The following GPR62 variants were observed in gnomAD, a reference collection of about 807,000 sequenced individuals.
GPR62 encodes G-protein coupled receptor GPCR8.
For missense variants in GPR62, 513 were observed against 541.5 expected, an observed-to-expected ratio of 0.95 and a Z score of 0.52; for synonymous variants, 280 against 286.9, an observed-to-expected ratio of 0.98 and a Z score of 0.24.
rs776344664 is a variant in GPR62 at position 51,957,072 on chromosome 3, AAAG to A, written c.*318_*320del. ...CCAGGCCAAGATGGGCAGGTGTCACAAAGAAGAGGGCCCTAAGGGCTCACAACC... is the reference window on the plus strand; with the variant it reads ...CCAGGCCAAGATGGGCAGGTGTCACAAAGAGGGCCCTAAGGGCTCACAACC... On this transcript the variant is annotated 3_prime_UTR_variant, in exon 1 of 1. Coordinates refer to ENST00000322241, the MANE Select transcript of GPR62 (RefSeq NM_080865.4). 1.1e-3 allele frequency: 432 copies of A among 385,784 alleles called. 1 individual carries two copies. The highest frequency in any genetic ancestry group is 6.0e-3 in the Middle Eastern group (9 of 1,496). 23.9% of individuals were successfully genotyped at this position (385,784 alleles called of 1,614,324 possible).
In GPR62 at chr3:51,955,427, A is replaced by G. The variant is rs1699820833; in HGVS notation, c.-226A>G. ...TGAGTTGCTGGAGCTGGGCTGGGGC[A>G]GGGGAGAAAGACAGCAGACTCATCC... is the stretch of plus-strand genomic sequence containing the variant. On this transcript the variant is annotated 5_prime_UTR_variant, in exon 1 of 1. Transcript: ENST00000322241. 3 of 433,476 alleles carry G rather than the reference A, an allele frequency of 6.9e-6. No individual in the cohort carries two copies. The highest frequency in any genetic ancestry group is 1.2e-5 in the Non-Finnish European group (3 of 244,016). The allele number at this position is 433,476 out of a possible 1,614,324, so 26.9% of individuals were successfully genotyped here. A position where few individuals can be genotyped will look rare whatever the true frequency, so the allele number is the denominator to read the frequency against.
In GPR62 at chr3:51,956,275, G is replaced by T; in HGVS notation, c.623G>T (p.Arg208Leu). Residue 208 changes from arginine to leucine, a missense_variant, in exon 1 of 1, where the codon CGG (arginine) becomes CTG (leucine). Coordinates refer to ENST00000322241, the MANE Select transcript of GPR62 (RefSeq NM_080865.4). ...VARRAALRPP[R>L]PARGSRLHSD... Reference sequence around the variant, plus strand: ...CGTCGCGCTGCCCTGAGGCCCCCACGGCCGGCGCGCGGGTCCCGACTCCAC... The same window carrying T: ...CGTCGCGCTGCCCTGAGGCCCCCACTGCCGGCGCGCGGGTCCCGACTCCAC... 6.4e-7 allele frequency: 1 copy of T among 1,563,412 alleles called. No individual in the cohort carries two copies.
chr3:51,956,029 GGCCGCCGCCTGTGCTCGT>G lies in GPR62; in HGVS notation c.380_397del (p.Pro127_Val132del). On this transcript the variant is annotated inframe_deletion, in exon 1 of 1. Transcript: ENST00000322241. ...GTGCACCCGCTGCGGCCAGGCTCGC[GGCCGCCGCCTGTGCTCGT>G]GCTCACCGCCGTGTGGGCCGCGGCG... The G allele has an allele frequency of 7.0e-7, 1 of 1,431,352 alleles. No individual in the cohort carries two copies. Among genetic ancestry groups the G allele is most frequent in the Non-Finnish European group, 9.1e-7 (1 of 1,096,108 alleles). The allele number at this position is 1,431,352 out of a possible 1,614,324, so 88.7% of individuals were successfully genotyped here.
chr3:51,956,551 C>T lies in GPR62; in HGVS notation c.899C>T (p.Ala300Val), dbSNP rs2106711342. 1.2e-6 allele frequency: 2 copies of T among 1,609,336 alleles called. No individual in the cohort carries two copies. The highest frequency in any genetic ancestry group is 1.7e-6 in the Non-Finnish European group (2 of 1,178,726). The change falls in exon 1 of 1, where the codon GCA (alanine) becomes GTA (valine). Residue 300 changes from alanine to valine, a missense_variant. Transcript: ENST00000322241. ...CTGCTGCAGCGCCCCGTGCGCTTGGCACTGGGCCGCCTCTCTCGCCGTGCA... is the reference window on the plus strand; with the variant it reads ...CTGCTGCAGCGCCCCGTGCGCTTGGTACTGGGCCGCCTCTCTCGCCGTGCA... ...YGLLQRPVRL[A>V]LGRLSRRALP...
Position 51,955,694 on chromosome 3 carries a change from C to G in GPR62, c.42C>G (p.Gly14=). Residue 14 remains glycine (G), a synonymous_variant, in exon 1 of 1, where the codon GGC becomes GGG. Coordinates refer to ENST00000322241, the MANE Select transcript of GPR62 (RefSeq NM_080865.4). ...GGCTGAACGCCTCAGAAGTCGCAGG[C>G]TCGTTGGGGTTGATCCTGGCAGCTG... ...STGLNASEVA[G]SLGLILAAVV... is the part of the protein sequence containing the mutation. 1.2e-6 allele frequency: 2 copies of G among 1,609,306 alleles called. No individual in the cohort carries two copies. Among genetic ancestry groups the G allele is most frequent in the Non-Finnish European group, 1.7e-6 (2 of 1,177,740 alleles).
Position 51,956,598 on chromosome 3 carries a change from T to C in GPR62, c.946T>C (p.Cys316Arg). The C allele has an allele frequency of 6.2e-7, 1 of 1,612,280 alleles. No individual in the cohort carries two copies. Among genetic ancestry groups the C allele is most frequent in the Non-Finnish European group, 8.5e-7 (1 of 1,179,868 alleles). ...RRALPGPVRA[C>R]TPQAWHPRAL... Reference sequence around the variant, plus strand: ...TGCACTGCCTGGACCTGTGCGGGCCTGCACTCCGCAAGCCTGGCACCCGCG... The same window carrying C: ...TGCACTGCCTGGACCTGTGCGGGCCCGCACTCCGCAAGCCTGGCACCCGCG... Residue 316 changes from cysteine to arginine, a missense_variant, in exon 1 of 1, where the codon TGC becomes CGC. Transcript: ENST00000322241.
rs1699823907 is a variant in GPR62, at chr3:51,955,602, G to C, written c.-51G>C. The C allele has an allele frequency of 7.1e-7, 1 of 1,414,326 alleles. No homozygotes were observed. Among genetic ancestry groups the C allele is most frequent in the African/African-American group, 1.5e-5 (1 of 67,640 alleles). 87.6% of individuals were successfully genotyped at this position (1,414,326 alleles called of 1,614,324 possible). ...GGTGATGGAAATCCTGCAGCTTTAG[G>C]CTCCATTCTGCCATCTACATCCCAG... On this transcript the variant is annotated 5_prime_UTR_variant, in exon 1 of 1. Transcript: ENST00000322241.
rs1314073582 is a variant in GPR62 at position 51,956,744 on chromosome 3, G to A, written c.1092G>A (p.Glu364=). Residue 364 remains glutamate (E), a synonymous_variant, in exon 1 of 1, where the codon GAG becomes GAA. Transcript: ENST00000322241. Reference sequence around the variant, plus strand: ...GCCCCGCATACCAGGGGCCACCTGAGAGTTCTCTCTCCTGAGCAGGAGAAA... The same window carrying A: ...GCCCCGCATACCAGGGGCCACCTGAAAGTTCTCTCTCCTGAGCAGGAGAAA... ...GRSPAYQGPP[E]SSLS is the part of the protein sequence containing the mutation. The A allele has an allele frequency of 6.2e-7, 1 of 1,608,268 alleles. No homozygotes were observed. Among genetic ancestry groups the A allele is most frequent in the East Asian group, 2.2e-5 (1 of 44,842 alleles).
chr3:51,956,567 T>A lies in GPR62; in HGVS notation c.915T>A (p.Ser305=). 1 of 1,611,218 alleles carries A rather than the reference T, an allele frequency of 6.2e-7. No homozygotes were observed. Among genetic ancestry groups the A allele is most frequent in the Non-Finnish European group, 8.5e-7 (1 of 1,179,478 alleles). ...RPVRLALGRL[S]RRALPGPVRA... is the part of the protein sequence containing the mutation. The stretch of plus-strand genomic sequence containing the variant: ...TGCGCTTGGCACTGGGCCGCCTCTC[T>A]CGCCGTGCACTGCCTGGACCTGTGC... The change falls in exon 1 of 1, where the codon TCT becomes TCA. Residue 305 remains serine (S), a synonymous_variant. Transcript: ENST00000322241.
rs13068631 is a variant in GPR62 at position 51,956,914 on chromosome 3, G to C, written c.*155G>C. The C allele has an allele frequency of 0.32, 440,757 of 1,366,670 alleles. 74,582 individuals are homozygous for C. The highest frequency in any genetic ancestry group is 0.35 in the Non-Finnish European group (357,569 of 1,025,186). The allele number at this position is 1,366,670 out of a possible 1,614,324, so 84.7% of individuals were successfully genotyped here. On this transcript the variant is annotated 3_prime_UTR_variant, in exon 1 of 1. Coordinates refer to ENST00000322241, the MANE Select transcript of GPR62 (RefSeq NM_080865.4). ...GACTTCTGAGAGCCAGGAATCCTGC[G>C]GTCTGGGCCCAACACTGCATAGCAC...
Position 51,956,427 on chromosome 3 carries a change from TGCGCGTGCCTGGCGCCCGCA to T in GPR62, c.781_800del (p.Cys261GlyfsTer76), listed in dbSNP as rs1235044188. 10 of 1,526,976 alleles carry T rather than the reference TGCGCGTGCCTGGCGCCCGCA, an allele frequency of 6.5e-6. No individual in the cohort carries two copies. Among genetic ancestry groups the T allele is most frequent in the Admixed American group, 2.1e-5 (1 of 48,388 alleles). The allele number at this position is 1,526,976 out of a possible 1,614,324, so 94.6% of individuals were successfully genotyped here. Reference sequence around the variant, plus strand: ...TGCAGCCTGCTGGCTGCCTTATGGCTGCGCGTGCCTGGCGCCCGCAGCGCGGGCCGCGGAAGCCGAAGCGG... The same window carrying T: ...TGCAGCCTGCTGGCTGCCTTATGGCTGCGCGGGCCGCGGAAGCCGAAGCGG... On this transcript the variant is annotated frameshift_variant, in exon 1 of 1. Coordinates refer to ENST00000322241, the MANE Select transcript of GPR62 (RefSeq NM_080865.4). LOFTEE classifies it low-confidence loss of function (END_TRUNC).
At position 51,957,211 on chromosome 3, in the gene GPR62, C is replaced by A. The variant is rs888973232; in HGVS notation, c.*452C>A. On this transcript the variant is annotated 3_prime_UTR_variant, in exon 1 of 1. Coordinates refer to ENST00000322241, the MANE Select transcript of GPR62 (RefSeq NM_080865.4). Reference sequence around the variant, plus strand: ...ACATCTGCACCAAGGAGAGTCTGGACAAAGCTACTGAAACTCCTCCACCTG... The same window carrying A: ...ACATCTGCACCAAGGAGAGTCTGGAAAAAGCTACTGAAACTCCTCCACCTG... 1 of 179,520 alleles carries A rather than the reference C, an allele frequency of 5.6e-6. No homozygotes were observed. Among genetic ancestry groups the A allele is most frequent in the Non-Finnish European group, 1.3e-5 (1 of 77,168 alleles). 11.1% of individuals were successfully genotyped at this position (179,520 alleles called of 1,614,324 possible). A position where few individuals can be genotyped will look rare whatever the true frequency, so the allele number is the denominator to read the frequency against.
In GPR62 at chr3:51,956,448, G is replaced by C. The variant is rs1017116884; in HGVS notation, c.796G>C (p.Ala266Pro). ...PYGCACLAPA[A>P]RAAEAEAAVT... ...TGGCTGCGCGTGCCTGGCGCCCGCA[G>C]CGCGGGCCGCGGAAGCCGAAGCGGC... The change falls in exon 1 of 1, where the codon GCG becomes CCG. Residue 266 changes from alanine (A) to proline (P), a missense_variant. Coordinates refer to ENST00000322241, the MANE Select transcript of GPR62 (RefSeq NM_080865.4). The C allele has an allele frequency of 7.8e-6, 12 of 1,531,034 alleles. No homozygotes were observed. The highest frequency in any genetic ancestry group is 1.0e-5 in the Non-Finnish European group (12 of 1,145,852). The allele number at this position is 1,531,034 out of a possible 1,614,324, so 94.8% of individuals were successfully genotyped here. A position where few individuals can be genotyped will look rare whatever the true frequency, so the allele number is the denominator to read the frequency against.
Position 51,955,600 on chromosome 3 carries a change from A to C in GPR62, c.-53A>C, listed in dbSNP as rs1039059862. 1 of 1,407,014 alleles carries C rather than the reference A, an allele frequency of 7.1e-7. No homozygotes were observed. The highest frequency in any genetic ancestry group is 9.6e-7 in the Non-Finnish European group (1 of 1,037,074). 87.2% of individuals were successfully genotyped at this position (1,407,014 alleles called of 1,614,324 possible). A position where few individuals can be genotyped will look rare whatever the true frequency, so the allele number is the denominator to read the frequency against. The stretch of plus-strand genomic sequence containing the variant: ...CAGGTGATGGAAATCCTGCAGCTTT[A>C]GGCTCCATTCTGCCATCTACATCCC... On this transcript the variant is annotated 5_prime_UTR_variant, in exon 1 of 1. An upstream open reading frame in the 5' UTR loses its in-frame stop. Transcript: ENST00000322241.
At position 51,957,095 on chromosome 3, in the gene GPR62, ACAAC is replaced by A. The variant is rs2106712747; in HGVS notation, c.*340_*343del. On this transcript the variant is annotated 3_prime_UTR_variant, in exon 1 of 1. Coordinates refer to ENST00000322241, the MANE Select transcript of GPR62 (RefSeq NM_080865.4). ...ACAAAGAAGAGGGCCCTAAGGGCTC[ACAAC>A]CAAAGTGATCCGCCAAGCAGGGCAG... The A allele has an allele frequency of 3.0e-6, 1 of 335,910 alleles. No individual in the cohort carries two copies. The highest frequency in any genetic ancestry group is 5.1e-5 in the East Asian group (1 of 19,442). 20.8% of individuals were successfully genotyped at this position (335,910 alleles called of 1,614,324 possible). A position where few individuals can be genotyped will look rare whatever the true frequency, so the allele number is the denominator to read the frequency against.
Position 51,955,921 on chromosome 3 carries a change from C to T in GPR62, c.269C>T (p.Ala90Val). The T allele has an allele frequency of 1.5e-6, 2 of 1,349,072 alleles. No homozygotes were observed. The highest frequency in any genetic ancestry group is 1.9e-6 in the Non-Finnish European group (2 of 1,051,972). 83.6% of individuals were successfully genotyped at this position (1,349,072 alleles called of 1,614,324 possible). Residue 90 changes from alanine to valine, a missense_variant, in exon 1 of 1, where the codon GCC (alanine) becomes GTC (valine). By Grantham distance (64) the Ala-to-Val change is moderately conservative. Coordinates refer to ENST00000322241, the MANE Select transcript of GPR62 (RefSeq NM_080865.4). Reference sequence around the variant, plus strand: ...CGCCTGGGCCCCGCGCCATGCCGCGCCGCTCGCTTCCTCTCCGCCGCTCTG... The same window carrying T: ...CGCCTGGGCCCCGCGCCATGCCGCGTCGCTCGCTTCCTCTCCGCCGCTCTG... Reference protein sequence around the residue: ...RVRLGPAPCRAARFLSAALLP... With the variant: ...RVRLGPAPCRVARFLSAALLP...
rs1699834267 is a variant in GPR62, at chr3:51,956,009, C to A, written c.357C>A (p.His119Gln). The change falls in exon 1 of 1, where the codon CAC (histidine) becomes CAA (glutamine). Residue 119 changes from histidine to glutamine, a missense_variant. Transcript: ENST00000322241. ...LGLARYRLIV[H>Q]PLRPGSRPPP... ...TGGCACGCTACCGCCTCATCGTGCA[C>A]CCGCTGCGGCCAGGCTCGCGGCCGC... 1.5e-5 allele frequency: 21 copies of A among 1,432,768 alleles called. No individual in the cohort carries two copies. Among genetic ancestry groups the A allele is most frequent in the Non-Finnish European group, 1.9e-5 (21 of 1,095,796 alleles). The allele number at this position is 1,432,768 out of a possible 1,614,324, so 88.8% of individuals were successfully genotyped here.
chr3:51,956,225 C>T lies in GPR62; in HGVS notation c.573C>T (p.Ala191=). The change falls in exon 1 of 1, where the codon GCC becomes GCT. Residue 191 remains alanine (A), a synonymous_variant. Transcript: ENST00000322241. ...TGCCCGCCCTCCTGCTGCTCGGCGC[C>T]TACGGCGGCATCTTCGTGGTGGCGC... ...FALPALLLLG[A]YGGIFVVARR... 1 of 1,538,850 alleles carries T rather than the reference C, an allele frequency of 6.5e-7. No homozygotes were observed.
Position 51,955,791 on chromosome 3 carries a change from G to T in GPR62, c.139G>T (p.Asp47Tyr). The T allele has an allele frequency of 6.3e-7, 1 of 1,587,990 alleles. No homozygotes were observed. The highest frequency in any genetic ancestry group is 8.6e-7 in the Non-Finnish European group (1 of 1,168,700). Residue 47 changes from aspartate to tyrosine, a missense_variant, in exon 1 of 1, where the codon GAC becomes TAC. Transcript: ENST00000322241. ...GGTGCTGCGCACGCCGGGACTGCGC[G>T]ACGCGCTCTACCTGGCGCACCTGTG... ...VVVLRTPGLR[D>Y]ALYLAHLCVV...
Sources: gnomAD v4.1 joint callset for allele counts on GRCh38, gnomAD v4.1.1 for gene constraint, MANE v1.5 for transcripts, NCBI Gene and HGNC (gene_info 2026-07-23, HGNC 2026-07-21) for gene names.